The following ZNF420 variants were observed in gnomAD, a reference collection of about 807,000 sequenced individuals.
ZNF420 encodes the protein ATM and p53-associated KZNF protein.
In ZNF420, 31 loss-of-function variants were observed where a neutral mutation model predicts 44.7. The observed-to-expected ratio is 0.69, with a 90% CI of 0.52 to 0.94. The LOEUF (loss-of-function observed/expected upper bound fraction) is 0.94. ZNF420 is among the 40% of genes least tolerant of loss of function. The pLI is 0.00. For synonymous variants in ZNF420, 245 were observed against 267.4 expected, an observed-to-expected ratio of 0.92 and a Z score of 0.82; for missense variants, 681 against 827.9, an observed-to-expected ratio of 0.82 and a Z score of 2.18.
intron 1 of ZNF420, among the ~76,000 whole-genome samples, chr19:37,025,531 C>CTTTTTTTTTTTTTTTTTTT (rs990549701): frequency 6.6e-6 from 1 of 151,938 alleles, no homozygotes; most frequent in African/African-American, 2.4e-5. Flanking sequence ...GACAGGTGGT[C>CTTTTTTTTTTTTTTTTTTT]TTTTTTATCT....
intron 2 of ZNF420, among the ~76,000 whole-genome samples, chr19:37,087,479 C>A (rs1200687467): frequency 1.3e-5 from 2 of 152,002 alleles, no homozygotes; most frequent in African/African-American, 4.8e-5. Context: ...GTATCTCTTG[C>A]AGAAATCTAT....
intron 1 of ZNF420, among the ~76,000 whole-genome samples, chr19:37,060,973 A>T (rs1967867935): frequency 6.6e-6 from 1 of 151,538 alleles, no homozygotes; most frequent in South Asian, 2.1e-4. Context: ...CTTTGCAGGA[A>T]CCTCTTTGCT....
Position 37,128,708 on chromosome 19 carries a change from C to A in ZNF420, c.1717C>A (p.Gln573Lys). The A allele has an allele frequency of 6.2e-7, 1 of 1,613,940 alleles. No homozygotes were observed. Among genetic ancestry groups the A allele is most frequent in the Non-Finnish European group, 8.5e-7 (1 of 1,179,982 alleles). Residue 573 changes from glutamine to lysine, a missense_variant, in exon 5 of 5, where the codon CAG (glutamine) becomes AAG (lysine). Physicochemically the swap from Gln to Lys is moderately conservative, Grantham distance 53. This residue lies in a region of ZNF420 where 280 missense variants were observed against 338.6 expected (regional missense o/e 0.83). Transcript: ENST00000337995. ...TGGGAAAGCCTTTATTCGTGGTTCA[C>A]AGTTGACTCAACATCAGCGAATTCA... ...ECGKAFIRGSQLTQHQRIHTG... is the reference protein window; with the variant it reads ...ECGKAFIRGSKLTQHQRIHTG...
chr19:37,056,021 C>T (rs945107212), intron 1 of ZNF420, among the ~76,000 whole-genome samples: 19 of 152,028 alleles, frequency 1.2e-4, no homozygotes, highest in African/African-American at 3.9e-4. Flanking sequence ...GGTGTGTTTC[C>T]GTTCCACTGC....
intron 1 of ZNF420, among the ~76,000 whole-genome samples, chr19:37,026,805 T>C (rs1295558995): frequency 1.3e-5 from 2 of 152,216 alleles, no homozygotes; most frequent in South Asian, 2.1e-4. Context: ...GAGGAAATAT[T>C]TATAACAGAT....
At chr19:37,013,588 G>A (rs1172484278) in intron 1 of ZNF420, among the ~76,000 whole-genome samples, 1 of 152,150 alleles carries the variant, frequency 6.6e-6, no homozygotes, top group Non-Finnish European at 1.5e-5. Context: ...TGGAATCTCC[G>A]GACTCCCATT....
At chr19:37,013,871 G>A (rs1160474613) in intron 1 of ZNF420, among the ~76,000 whole-genome samples, 1 of 152,220 alleles carries the variant, frequency 6.6e-6, no homozygotes, top group Non-Finnish European at 1.5e-5. Flanking sequence ...TGGAGCAAAT[G>A]CGACCACACG....
At chr19:37,057,659 G>A (rs1967784999) in intron 1 of ZNF420, among the ~76,000 whole-genome samples, 1 of 152,014 alleles carries the variant, frequency 6.6e-6, no homozygotes, top group African/African-American at 2.4e-5. Flanking sequence ...CGTTTTCGTG[G>A]TGGTTCCACT....
At chr19:37,107,538 C>T (rs116631038) in intron 4 of ZNF420, 2,759 of 152,240 alleles carry the variant, frequency 0.018, 44 homozygotes, top group African/African-American at 0.04. Flanking sequence ...CAGAACAAAA[C>T]GGAGTCTCTT....
intron 4 of ZNF420, among the ~76,000 whole-genome samples, chr19:37,113,136 G>A (rs1007248251): frequency 1.3e-5 from 2 of 152,164 alleles, no homozygotes; most frequent in East Asian, 3.9e-4. Context: ...CTCGTTTCCC[G>A]ACAATGGTTG....
At position 37,127,612 on chromosome 19, in the gene ZNF420, C is replaced by T. The variant is rs1206343523; in HGVS notation, c.621C>T (p.Ser207=). 1 of 1,613,546 alleles carries T rather than the reference C, an allele frequency of 6.2e-7. No homozygotes were observed. The highest frequency in any genetic ancestry group is 8.5e-7 in the Non-Finnish European group (1 of 1,179,852). ...AATGTGGGAAGGCCTTTACTCAAAG[C>T]TCACAACTTATTTTACATCATAGAA... The part of the protein sequence containing the change: ...CKECGKAFTQ[S]SQLILHHRIH... The change falls in exon 5 of 5, where the codon AGC becomes AGT. Residue 207 remains serine (S), a synonymous_variant. Transcript: ENST00000337995.
chr19:37,012,804 G>T (rs1254221112), intron 1 of ZNF420, among the ~76,000 whole-genome samples: 1 of 138,996 alleles, frequency 7.2e-6, no homozygotes, highest in Non-Finnish European at 1.5e-5. Flanking sequence ...GTGTGTGTGT[G>T]TGTGTGTGTC....
chr19:37,087,974 C>A (rs780853941), intron 2 of ZNF420, among the ~76,000 whole-genome samples: 1 of 152,060 alleles, frequency 6.6e-6, no homozygotes, highest in Non-Finnish European at 1.5e-5. Context: ...AGTGAGGTCT[C>A]GGATCTAGGT....
chr19:37,088,898 C>A, intron 2 of ZNF420, 141 bp from the exon 3 acceptor site: 1 of 519,838 alleles, frequency 1.9e-6, no homozygotes, highest in Non-Finnish European at 3.5e-6. Flanking sequence ...AGTTAAGAAC[C>A]ACAACATATG....
chr19:37,129,256 A>G lies in ZNF420; in HGVS notation c.*198A>G, dbSNP rs992504616. On this transcript the variant is annotated 3_prime_UTR_variant, in exon 5 of 5. Coordinates refer to ENST00000337995, the MANE Select transcript of ZNF420 (RefSeq NM_144689.5). Reference sequence around the variant, plus strand: ...CTATTAAACATTAGCAAATTGGAGAATAGTTTTAATATAGTAAATGTAGGA... The same window carrying G: ...CTATTAAACATTAGCAAATTGGAGAGTAGTTTTAATATAGTAAATGTAGGA... 6.4e-5 allele frequency: 40 copies of G among 625,872 alleles called. No homozygotes were observed. The highest frequency in any genetic ancestry group is 4.9e-4 in the African/African-American group (27 of 54,574). 38.8% of individuals were successfully genotyped at this position (625,872 alleles called of 1,614,324 possible).
intron 4 of ZNF420, among the ~76,000 whole-genome samples, chr19:37,099,375 A>G (rs997514997): frequency 6.6e-6 from 1 of 152,060 alleles, no homozygotes; most frequent in African/African-American, 2.4e-5. Context: ...TAGCCATTCT[A>G]ACAGCAGTGA....
intron 1 of ZNF420, among the ~76,000 whole-genome samples, chr19:37,043,724 C>T (rs1243922301): frequency 6.6e-6 from 1 of 152,140 alleles, no homozygotes; most frequent in African/African-American, 2.4e-5. Flanking sequence ...CCGCTGGCCT[C>T]AACCTCCTGA....
intron 1 of ZNF420, among the ~76,000 whole-genome samples, chr19:37,065,578 T>G (rs1967955801): frequency 6.6e-6 from 1 of 152,244 alleles, no homozygotes; most frequent in Admixed American, 6.5e-5. Flanking sequence ...GACATTGGAC[T>G]TACAGATGCA....
At chr19:37,022,142 A>G (rs1025740402) in intron 1 of ZNF420, among the ~76,000 whole-genome samples, 3 of 151,610 alleles carry the variant, frequency 2.0e-5, no homozygotes, top group Admixed American at 2.0e-4. Context: ...AGAAAATTAT[A>G]TCATCCATAA....
Sources: gnomAD v4.1 joint callset for allele counts (sites outside exome capture counted in the v4.1 genomes callset) on GRCh38, gnomAD v4.1.1 for gene constraint, gnomAD v4.1.1 regional missense constraint, MANE v1.5 for transcripts, NCBI Gene and HGNC (gene_info 2026-07-23, HGNC 2026-07-21) for gene names.